The following LRRC37A2 variants were observed in gnomAD, a reference collection of about 807,000 sequenced individuals.
The protein encoded by LRRC37A2 is leucine rich repeat containing 37 member A2.
LRRC37A2 carries 9 observed loss-of-function variants against 68.8 expected under a neutral mutation model. That is an observed-to-expected ratio of 0.13 (90% CI 0.08 to 0.23). LRRC37A2 has a LOEUF of 0.23. LRRC37A2 is among the 10% of genes least tolerant of loss of function. The probability of loss-of-function intolerance (pLI) is 1.00; values close to 1 mark genes in which losing one functional copy is unlikely to be tolerated. For missense variants in LRRC37A2, 168 were observed against 950.4 expected (o/e 0.18, Z 10.82); for synonymous variants, 63 against 367.6 (o/e 0.17, Z 9.48).
At chr17:47,040,393 T>C in the LRRC37A2 span, among the ~76,000 whole-genome samples, 28 of 152,074 alleles carry the variant, frequency 1.8e-4, no homozygotes, top group Admixed American at 5.9e-4. Context: ...CCTTGCATCT[T>C]TCATAAATGT....
the LRRC37A2 span, among the ~76,000 whole-genome samples, chr17:46,730,489 T>A: frequency 1.3e-5 from 2 of 152,124 alleles, no homozygotes; most frequent in East Asian, 3.8e-4. Context: ...CTAACAGAAA[T>A]AAACAGAAAC....
chr17:46,731,365 A>C, the LRRC37A2 span, among the ~76,000 whole-genome samples: 4 of 152,118 alleles, frequency 2.6e-5, no homozygotes, highest in Non-Finnish European at 5.9e-5. Context: ...GGTCACTGCT[A>C]ATGGGTATGG....
At chr17:46,903,281 CAAA>C in the LRRC37A2 span, among the ~76,000 whole-genome samples, 43 of 145,006 alleles carry the variant, frequency 3.0e-4, no homozygotes, top group African/African-American at 9.8e-4. Context: ...GACTCTGTCT[CAAA>C]AAAAAAAAAA....
At chr17:46,708,653 G>A in the LRRC37A2 span, among the ~76,000 whole-genome samples, 5 of 149,358 alleles carry the variant, frequency 3.3e-5, no homozygotes, top group Non-Finnish European at 6.0e-5. Flanking sequence ...CACCATGCCC[G>A]GCTAATTTTT....
chr17:46,885,706 T>C, the LRRC37A2 span: 1 of 152,246 alleles, frequency 6.6e-6, no homozygotes, highest in Non-Finnish European at 1.5e-5. Flanking sequence ...TAAATCTTGT[T>C]CTCCATACTG....
At chr17:46,733,052 C>T in the LRRC37A2 span, among the ~76,000 whole-genome samples, 3 of 152,164 alleles carry the variant, frequency 2.0e-5, no homozygotes, top group Non-Finnish European at 2.9e-5. Context: ...CTGAGCTGGA[C>T]GTACAATTTG....
the LRRC37A2 span, among the ~76,000 whole-genome samples, chr17:46,573,099 A>T: frequency 1.6e-5 from 1 of 61,940 alleles, no homozygotes; most frequent in Non-Finnish European, 3.9e-5. Flanking sequence ...AGACCCAAGC[A>T]AGCTGGGTCT....
the LRRC37A2 span, among the ~76,000 whole-genome samples, chr17:46,796,396 TATGTTATCATCACCCCTATCTC>T: frequency 3.9e-5 from 6 of 152,198 alleles, no homozygotes; most frequent in Admixed American, 1.3e-4. Context: ...GTAAGGAAGG[TATGTTATCATCACCCCTATCTC>T]AGTGGGGAAA....
chr17:46,782,806 C>A, the LRRC37A2 span, among the ~76,000 whole-genome samples: 1 of 152,232 alleles, frequency 6.6e-6, no homozygotes, highest in African/African-American at 2.4e-5. Context: ...ACCAGAGAAA[C>A]CTAGCTCAGG....
chr17:46,985,973 G>T, the LRRC37A2 span, among the ~76,000 whole-genome samples: 1 of 152,182 alleles, frequency 6.6e-6, no homozygotes, highest in Non-Finnish European at 1.5e-5. Flanking sequence ...TGTAAAATGA[G>T]AAAGTTGGTT....
chr17:46,946,669 C>G, the LRRC37A2 span, among the ~76,000 whole-genome samples: 1 of 152,122 alleles, frequency 6.6e-6, no homozygotes, highest in East Asian at 1.9e-4. Flanking sequence ...TCGAGACCAG[C>G]CTGGCCAACA....
At chr17:46,991,521 A>G in the LRRC37A2 span, among the ~76,000 whole-genome samples, 1 of 152,102 alleles carries the variant, frequency 6.6e-6, no homozygotes, top group Non-Finnish European at 1.5e-5. Flanking sequence ...CCAGCTACTC[A>G]GGACGCTGAG....
At chr17:46,497,598 G>A in the LRRC37A2 span, among the ~76,000 whole-genome samples, 43 of 150,312 alleles carry the variant, frequency 2.9e-4, 2 homozygotes, top group African/African-American at 1.0e-3. Flanking sequence ...TTGTATATAT[G>A]TGTGTGTGTA....
the LRRC37A2 span, among the ~76,000 whole-genome samples, chr17:46,730,073 A>T: frequency 1.3e-5 from 2 of 152,218 alleles, no homozygotes; most frequent in South Asian, 4.1e-4. Context: ...AAGTAAGTAA[A>T]CGTATATATC....
chr17:47,021,868 T>C, the LRRC37A2 span: 1 of 1,512,912 alleles, frequency 6.6e-7, no homozygotes. Context: ...AAGGAAACTA[T>C]ATTTCTTACA....
the LRRC37A2 span, among the ~76,000 whole-genome samples, chr17:46,458,531 C>CTTTTTTTT: frequency 8.0e-4 from 32 of 39,910 alleles, 1 homozygote; most frequent in African/African-American, 1.3e-3. Flanking sequence ...TCTTCTTCTT[C>CTTTTTTTT]TTTTTTTTTT....
At chr17:46,908,375 A>G in the LRRC37A2 span, among the ~76,000 whole-genome samples, 2 of 152,172 alleles carry the variant, frequency 1.3e-5, no homozygotes, top group Non-Finnish European at 1.5e-5. Context: ...CAAAGCTGCA[A>G]AATGATCGCC....
chr17:47,020,675 G>A, the LRRC37A2 span, among the ~76,000 whole-genome samples: 1,080 of 148,542 alleles, frequency 7.3e-3, 14 homozygotes, highest in African/African-American at 0.026. Context: ...CCAGCTACTC[G>A]GGAGGCTGAG....
chr17:46,936,766 T>C, the LRRC37A2 span: 1 of 983,140 alleles, frequency 1.0e-6, no homozygotes, highest in Non-Finnish European at 1.2e-6. Context: ...CTGATTGTAT[T>C]GTCACTATCT....
Sources: gnomAD v4.1 joint callset for allele counts (sites outside exome capture counted in the v4.1 genomes callset) on GRCh38, gnomAD v4.1.1 for gene constraint, MANE v1.5 for transcripts, NCBI Gene and HGNC (gene_info 2026-07-23, HGNC 2026-07-21) for gene names.